Variants in LARGE1 observed in about 807,000 individuals in gnomAD.
The protein encoded by LARGE1 is LARGE xylosyl- and glucuronyltransferase 1.
LARGE1 carries 43 observed loss-of-function variants against 87.6 expected under a neutral mutation model. The ratio of observed to expected loss-of-function variants is 0.49; its 90% CI spans 0.38 to 0.63. The LOEUF is 0.63. LARGE1 is among the 30% of genes least tolerant of loss of function. The probability of loss-of-function intolerance (pLI) is 0.00; values close to 1 mark genes in which losing one functional copy is unlikely to be tolerated. For missense variants in LARGE1, 802 were observed against 1,000.2 expected (o/e 0.80, Z 2.67); for synonymous variants, 434 against 394.6 (o/e 1.10, Z -1.18).
At chr22:33,576,898 T>C (rs528940472) in intron 5 of LARGE1, among the ~76,000 whole-genome samples, 15 of 152,130 alleles carry the variant, frequency 9.9e-5, no homozygotes, top group Non-Finnish European at 2.1e-4. Flanking sequence ...TAAATATCCA[T>C]AAATGTTCAG....
chr22:33,887,535 G>A (rs1038620673), intron 1 of LARGE1, among the ~76,000 whole-genome samples: 2 of 152,076 alleles, frequency 1.3e-5, no homozygotes, highest in Admixed American at 6.5e-5. Context: ...TCAGGAGTTC[G>A]AGATCAGTCT....
At chr22:33,590,892 T>C (rs921967114) in intron 5 of LARGE1, among the ~76,000 whole-genome samples, 2 of 152,076 alleles carry the variant, frequency 1.3e-5, no homozygotes, top group African/African-American at 4.8e-5. Context: ...ATATTGTGAG[T>C]TATGTTTAAT....
chr22:33,875,664 T>C (rs1569005171), intron 1 of LARGE1, among the ~76,000 whole-genome samples: 1 of 152,242 alleles, frequency 6.6e-6, no homozygotes, highest in Non-Finnish European at 1.5e-5. Context: ...AGCTCGCACT[T>C]GGCAGCACAG....
intron 5 of LARGE1, among the ~76,000 whole-genome samples, chr22:33,577,273 G>A (rs1175360656): frequency 6.6e-6 from 1 of 152,060 alleles, no homozygotes; most frequent in Non-Finnish European, 1.5e-5. Flanking sequence ...CATAGGAGAG[G>A]GGAGTGATAA....
At chr22:33,334,367 C>T (rs371466619) in intron 10 of LARGE1, among the ~76,000 whole-genome samples, 27 of 141,692 alleles carry the variant, frequency 1.9e-4, no homozygotes, top group East Asian at 6.1e-4. Flanking sequence ...GCTGAGATCG[C>T]GCCACTGCAC....
chr22:33,409,285 A>C (rs923567612), intron 7 of LARGE1, among the ~76,000 whole-genome samples: 5 of 141,804 alleles, frequency 3.5e-5, no homozygotes, highest in African/African-American at 1.3e-4. Context: ...GCTTACCCTG[A>C]GACGGAAGGA....
At chr22:33,277,360 G>C (rs1480719976) in intron 13 of LARGE1, 105 bp from the exon 14 acceptor site, 2 of 1,100,550 alleles carry the variant, frequency 1.8e-6, no homozygotes, top group Non-Finnish European at 2.7e-6. Flanking sequence ...TAGTCCTCGG[G>C]TGAGTTGAAC....
intron 6 of LARGE1, among the ~76,000 whole-genome samples, chr22:33,517,864 TG>T (rs1317535342): frequency 6.6e-6 from 1 of 152,186 alleles, no homozygotes; most frequent in East Asian, 1.9e-4. Context: ...GGGGGAGACC[TG>T]GGTCAACAAG....
chr22:33,232,311 C>T (rs571457726), intron 11 of LARGE1, among the ~76,000 whole-genome samples: 133 of 152,306 alleles, frequency 8.7e-4, no homozygotes, highest in African/African-American at 2.5e-3. Context: ...GCTTTTTCTA[C>T]GCACAGCAGA....
At chr22:33,668,100 T>C (rs542921167) in intron 2 of LARGE1, among the ~76,000 whole-genome samples, 2 of 152,372 alleles carry the variant, frequency 1.3e-5, no homozygotes, top group South Asian at 2.1e-4. Flanking sequence ...TTATTTTTTA[T>C]AGAAACATTC....
intron 13 of LARGE1, 26 bp from the exon 14 acceptor site, chr22:33,277,281 G>A: frequency 6.2e-7 from 1 of 1,610,732 alleles, no homozygotes; most frequent in Non-Finnish European, 8.5e-7. Flanking sequence ...AAAAGCCATT[G>A]GGTGTAGGGA....
rs240086 is a variant in LARGE1 at position 33,705,231 on chromosome 22, G to T, written c.107-54563C>A. On this transcript the variant is annotated intron_variant, in intron 2 of 14. Coordinates refer to ENST00000397394, the MANE Select transcript of LARGE1 (RefSeq NM_133642.5). Reference sequence around the variant, plus strand: ...TGGGCACTGCTGAAGCCTCAATTTTGAGCTGTTTTCAACAGCGTTGTCATG... The same window carrying T: ...TGGGCACTGCTGAAGCCTCAATTTTTAGCTGTTTTCAACAGCGTTGTCATG... Among the ~76,000 whole-genome samples, 1,226 of 152,248 alleles carry T rather than the reference G, an allele frequency of 8.1e-3. 19 individuals carry two copies. Among genetic ancestry groups the T allele is most frequent in the African/African-American group, 0.028 (1,170 of 41,548 alleles).
At chr22:33,872,694 T>G (rs530684029) in intron 1 of LARGE1, among the ~76,000 whole-genome samples, 2 of 152,110 alleles carry the variant, frequency 1.3e-5, no homozygotes, top group African/African-American at 4.8e-5. Flanking sequence ...CTGAGTGAAT[T>G]TGGAGCACGG....
chr22:33,772,336 A>T (rs1029074582), intron 1 of LARGE1, among the ~76,000 whole-genome samples: 2 of 151,432 alleles, frequency 1.3e-5, no homozygotes, highest in Non-Finnish European at 2.9e-5. Context: ...CTGCCTCAAA[A>T]AAAAAAGGAG....
chr22:33,784,992 C>CATATATGTGTATACATACATATGTGTAT (rs1569445596), intron 1 of LARGE1, among the ~76,000 whole-genome samples: 5 of 146,334 alleles, frequency 3.4e-5, no homozygotes, highest in African/African-American at 7.6e-5. Flanking sequence ...CATATGTGTA[C>CATATATGTGTATACATACATATGTGTAT]GTGTATATAC....
chr22:33,639,197 A>C (rs1184000312), intron 3 of LARGE1, among the ~76,000 whole-genome samples: 1 of 152,198 alleles, frequency 6.6e-6, no homozygotes, highest in Non-Finnish European at 1.5e-5. Flanking sequence ...GAGGAAGCTC[A>C]AACTAGCCCA....
chr22:33,495,240 G>C (rs1276524273), intron 6 of LARGE1, among the ~76,000 whole-genome samples: 2 of 151,964 alleles, frequency 1.3e-5, no homozygotes, highest in African/African-American at 4.8e-5. Context: ...CTCATCCTTT[G>C]AACTTTCCTT....
In LARGE1 at chr22:33,385,257, C is replaced by T. The variant is rs1024663062; in HGVS notation, c.893-953G>A. On this transcript the variant is annotated intron_variant, in intron 7 of 14. Coordinates refer to ENST00000397394, the MANE Select transcript of LARGE1 (RefSeq NM_133642.5). Reference sequence around the variant, plus strand: ...TTTTTTAAAACGCTAAAACAACAGCCGGGTGTGGTGGTGGTTCATGCCTGT... The same window carrying T: ...TTTTTTAAAACGCTAAAACAACAGCTGGGTGTGGTGGTGGTTCATGCCTGT... Among the ~76,000 whole-genome samples, 6 of 148,160 alleles carry T rather than the reference C, an allele frequency of 4.0e-5. 1 individual carries two copies. Among genetic ancestry groups the T allele is most frequent in the Non-Finnish European group, 9.0e-5 (6 of 66,378 alleles).
At chr22:33,118,631 C>T in the LARGE1 span, among the ~76,000 whole-genome samples, 7 of 152,046 alleles carry the variant, frequency 4.6e-5, no homozygotes, top group Non-Finnish European at 1.0e-4. Flanking sequence ...TAGGTAGTGG[C>T]GGTCCTCCAA....
Sources: gnomAD v4.1 joint callset for allele counts (sites outside exome capture counted in the v4.1 genomes callset) on GRCh38, gnomAD v4.1.1 for gene constraint, MANE v1.5 for transcripts, NCBI Gene and HGNC (gene_info 2026-07-23, HGNC 2026-07-21) for gene names.